Variants in BICDL2 observed in about 807,000 individuals in gnomAD.
BICDL2 encodes the protein BICD family like cargo adaptor 2, also known as BICD family-like cargo adapter 2.
Under a neutral mutation model 56.6 loss-of-function variants are expected in BICDL2, and 62 were observed. The ratio of observed to expected loss-of-function variants is 1.10; its 90% CI spans 0.89 to 1.35. The LOEUF (loss-of-function observed/expected upper bound fraction) is 1.35. BICDL2 is among the 40% of genes most tolerant of loss of function. BICDL2 has a pLI of 0.00. For synonymous variants in BICDL2, 358 were observed against 319.8 expected (o/e 1.12, Z -1.27); for missense variants, 808 against 684.5 (o/e 1.18, Z -2.01).
chr16:3,036,417 C>T (rs1370739899), intron 1 of BICDL2: 1 of 455,690 alleles, frequency 2.2e-6, no homozygotes, highest in Non-Finnish European at 4.4e-6. Flanking sequence ...CCCGACACAA[C>T]AGCTTTACCA....
At chr16:3,031,424 G>A (rs983004114) in intron 2 of BICDL2, 9 of 544,568 alleles carry the variant, frequency 1.7e-5, no homozygotes, top group East Asian at 2.9e-5. Flanking sequence ...AGCTGCTGCC[G>A]GGGCTTCTGG....
At chr16:3,035,062 C>T in intron 2 of BICDL2, 153 bp downstream of exon 2, 1 of 735,762 alleles carries the variant, frequency 1.4e-6, no homozygotes, top group South Asian at 1.9e-5. Context: ...GGACTGGGCC[C>T]AGCTCTGACC....
chr16:3,031,120 G>T lies in BICDL2; in HGVS notation c.313C>A (p.Arg105=). 2.0e-6 allele frequency: 3 copies of T among 1,535,562 alleles called. No homozygotes were observed. The highest frequency in any genetic ancestry group is 1.2e-5 in the South Asian group (1 of 83,946). ...RLQQENHELR[R]GLAARGAEWE... is the part of the protein sequence containing the mutation. Reference sequence around the variant, plus strand: ...TCGGCTCCTCGGGCTGCCAGGCCTCGCCGGAGCTCATGGTTCTCCTGCTGG... The same window carrying T: ...TCGGCTCCTCGGGCTGCCAGGCCTCTCCGGAGCTCATGGTTCTCCTGCTGG... The change falls in exon 3 of 10, where the codon CGA becomes AGA. Residue 105 remains arginine, a synonymous_variant. Coordinates refer to ENST00000572449, the MANE Select transcript of BICDL2 (RefSeq NM_001369667.1).
Position 3,030,492 on chromosome 16 carries a change from T to A in BICDL2, c.719A>T (p.Glu240Val). 1 of 1,604,322 alleles carries A rather than the reference T, an allele frequency of 6.2e-7. No individual in the cohort carries two copies. Among genetic ancestry groups the A allele is most frequent in the Non-Finnish European group, 8.5e-7 (1 of 1,179,534 alleles). Residue 240 changes from glutamate (E) to valine (V), a missense_variant, in exon 5 of 10, where the codon GAG becomes GTG. Transcript: ENST00000572449. ...CCGCTCCCGCCTCAGCAGCAGCAACTCCTCGTGGGTGGTCTGCAGTCTGCC... is the reference window on the plus strand; with the variant it reads ...CCGCTCCCGCCTCAGCAGCAGCAACACCTCGTGGGTGGTCTGCAGTCTGCC... The part of the protein sequence containing the change: ...GEGRLQTTHE[E>V]LLLLRRERRE...
Position 3,030,649 on chromosome 16 carries a change from C to T in BICDL2, c.615+47G>A, listed in dbSNP as rs199538270. 3.5e-4 allele frequency: 564 copies of T among 1,594,578 alleles called. 4 individuals carry two copies. In the East Asian group the frequency reaches 0.011, roughly 32 times the overall value. On this transcript the variant is annotated intron_variant, in intron 4 of 9. Coordinates refer to ENST00000572449, the MANE Select transcript of BICDL2 (RefSeq NM_001369667.1). The stretch of plus-strand genomic sequence containing the variant: ...GGGGCAGCCCCTCCCAGCCCTCAGC[C>T]CGGCTTTTTTGGCTCAGATAATCCC...
chr16:3,030,636 C>T, intron 4 of BICDL2, 41 bp from the exon 5 acceptor site: 7 of 1,594,030 alleles, frequency 4.4e-6, no homozygotes, highest in Non-Finnish European at 6.0e-6. Flanking sequence ...GGCAGCCCCT[C>T]CCAGCCCTCA....
At position 3,027,882 on chromosome 16, in the gene BICDL2, A is replaced by C. The variant is rs529980481; in HGVS notation, c.*224T>G. 1.5e-5 allele frequency: 12 copies of C among 818,854 alleles called. No individual in the cohort carries two copies. In the African/African-American group the frequency reaches 1.8e-4, roughly 12 times the overall value. The allele number at this position is 818,854 out of a possible 1,614,324, so 50.7% of individuals were successfully genotyped here. ...AAGATAGACGTATATTAATTCGGAA[A>C]ATAGCTCTGTTCACCTGCCCCTGCC... On this transcript the variant is annotated 3_prime_UTR_variant, in exon 10 of 10. Coordinates refer to ENST00000572449, the MANE Select transcript of BICDL2 (RefSeq NM_001369667.1).
rs1955740363 is a variant in BICDL2, at chr16:3,036,878, T to C, written c.-31+16A>G. ...GGCTCGAGGGGCCCGGCCCTCGGCG[T>C]CCCCCAGGCTCTCACCCGAAGCCGC... On this transcript the variant is annotated intron_variant, in intron 1 of 9. Coordinates refer to ENST00000572449, the MANE Select transcript of BICDL2 (RefSeq NM_001369667.1). 1 of 272,254 alleles carries C rather than the reference T, an allele frequency of 3.7e-6. No individual in the cohort carries two copies. 16.9% of individuals were successfully genotyped at this position (272,254 alleles called of 1,614,324 possible). A position where few individuals can be genotyped will look rare whatever the true frequency, so the allele number is the denominator to read the frequency against.
In BICDL2 at chr16:3,035,245, C is replaced by A; in HGVS notation, c.252G>T (p.Thr84=). 6.6e-7 allele frequency: 1 copy of A among 1,511,846 alleles called. No individual in the cohort carries two copies. Among genetic ancestry groups the A allele is most frequent in the Non-Finnish European group, 8.9e-7 (1 of 1,123,722 alleles). The allele number at this position is 1,511,846 out of a possible 1,614,324, so 93.7% of individuals were successfully genotyped here. A position where few individuals can be genotyped will look rare whatever the true frequency, so the allele number is the denominator to read the frequency against. The change falls in exon 2 of 10, where the codon ACG becomes ACT. Residue 84 remains threonine, a synonymous_variant. Transcript: ENST00000572449. The part of the protein sequence containing the change: ...RNEELRRQLE[T]LSAQHLEREE... ...CACGCTCCAAGTGCTGGGCGCTCAG[C>A]GTCTCCAGCTGCCGCCGCAGCTCTT... is the stretch of plus-strand genomic sequence containing the variant.
chr16:3,030,705 C>T lies in BICDL2; in HGVS notation c.606G>A (p.Leu202=). The part of the protein sequence containing the change: ...GAELRTRLES[L]QGENQMLQSR... Reference sequence around the variant, plus strand: ...CCCAGCTGACACTCACTTCCCCCTGCAGACTCTCCAGCCGCGTCCTCAGCT... The same window carrying T: ...CCCAGCTGACACTCACTTCCCCCTGTAGACTCTCCAGCCGCGTCCTCAGCT... Residue 202 remains leucine, a synonymous_variant, in exon 4 of 10, where the codon CTG becomes CTA. Coordinates refer to ENST00000572449, the MANE Select transcript of BICDL2 (RefSeq NM_001369667.1). 6.2e-7 allele frequency: 1 copy of T among 1,611,526 alleles called. No individual in the cohort carries two copies. Among genetic ancestry groups the T allele is most frequent in the Non-Finnish European group, 8.5e-7 (1 of 1,179,588 alleles).
chr16:3,027,947 T>C lies in BICDL2; in HGVS notation c.*159A>G. ...CCTGCCCCACAAAGCTGGCCCCTGC[T>C]CCGGATGAGCCCCTGCTCCCGATGA... is the stretch of plus-strand genomic sequence containing the variant. On this transcript the variant is annotated 3_prime_UTR_variant, in exon 10 of 10. Transcript: ENST00000572449. The C allele has an allele frequency of 8.7e-7, 1 of 1,149,586 alleles. No homozygotes were observed. The highest frequency in any genetic ancestry group is 1.8e-5 in the South Asian group (1 of 55,246). 71.2% of individuals were successfully genotyped at this position (1,149,586 alleles called of 1,614,324 possible). A position where few individuals can be genotyped will look rare whatever the true frequency, so the allele number is the denominator to read the frequency against.
rs1168718215 is a variant in BICDL2 at position 3,028,256 on chromosome 16, C to T, written c.1377G>A (p.Val459=). The T allele has an allele frequency of 2.0e-6, 3 of 1,479,624 alleles. No individual in the cohort carries two copies. The highest frequency in any genetic ancestry group is 1.5e-5 in the African/African-American group (1 of 67,966). The allele number at this position is 1,479,624 out of a possible 1,614,324, so 91.7% of individuals were successfully genotyped here. A position where few individuals can be genotyped will look rare whatever the true frequency, so the allele number is the denominator to read the frequency against. Reference sequence around the variant, plus strand: ...GCTGTGAGCGCAGCTGCTGCCCGATCACCACCTGCATGTCGTCCTGCGGGA... The same window carrying T: ...GCTGTGAGCGCAGCTGCTGCCCGATTACCACCTGCATGTCGTCCTGCGGGA... ...LEAWQDDMQV[V]IGQQLRSQRQ... is the part of the protein sequence containing the mutation. The change falls in exon 10 of 10, where the codon GTG becomes GTA. Residue 459 remains valine, a synonymous_variant. Coordinates refer to ENST00000572449, the MANE Select transcript of BICDL2 (RefSeq NM_001369667.1).
intron 5 of BICDL2, chr16:3,030,144 TTTTCA>T: frequency 2.1e-6 from 1 of 481,390 alleles, no homozygotes; most frequent in South Asian, 3.2e-5. Flanking sequence ...CCGCATCCTC[TTTTCA>T]TTTCTTTTTC....
chr16:3,031,813 T>A (rs1955660743), intron 2 of BICDL2: 2 of 338,370 alleles, frequency 5.9e-6, no homozygotes, highest in East Asian at 8.8e-5. Flanking sequence ...CTGCATTGCT[T>A]CATTTCATCC....
chr16:3,031,717 C>A, intron 2 of BICDL2: 1 of 395,860 alleles, frequency 2.5e-6, no homozygotes, highest in Non-Finnish European at 4.4e-6. Context: ...TCTCTCTAGG[C>A]CCTCAAAGCG....
At position 3,027,995 on chromosome 16, in the gene BICDL2, C is replaced by G; in HGVS notation, c.*111G>C. ...TGAGCCCTTGCCCAGCATCCTGGGG[C>G]GGGGAGGGCATCAGCTTCTTTTGGA... On this transcript the variant is annotated 3_prime_UTR_variant, in exon 10 of 10. Transcript: ENST00000572449. The G allele has an allele frequency of 7.5e-7, 1 of 1,330,440 alleles. No individual in the cohort carries two copies. The highest frequency in any genetic ancestry group is 9.7e-7 in the Non-Finnish European group (1 of 1,027,934). 82.4% of individuals were successfully genotyped at this position (1,330,440 alleles called of 1,614,324 possible). A position where few individuals can be genotyped will look rare whatever the true frequency, so the allele number is the denominator to read the frequency against.
intron 2 of BICDL2, 133 bp downstream of exon 2, chr16:3,035,082 G>A: frequency 1.1e-6 from 1 of 907,792 alleles, no homozygotes; most frequent in Non-Finnish European, 1.6e-6. Context: ...CTGTTCCAAA[G>A]TGCCCCCCTC....
Position 3,028,699 on chromosome 16 carries a change from C to G in BICDL2, c.1238+1G>C. 6.4e-7 allele frequency: 1 copy of G among 1,569,926 alleles called. No individual in the cohort carries two copies. Among genetic ancestry groups the G allele is most frequent in the South Asian group, 1.2e-5 (1 of 85,364 alleles). ...GCGGTGGTCAATGGCTTGAGGCTTA[C>G]TTGTTCACGGCCTCGTCCCGGTCTG... On this transcript the variant is annotated splice_donor_variant, in intron 8 of 9. Coordinates refer to ENST00000572449, the MANE Select transcript of BICDL2 (RefSeq NM_001369667.1). LOFTEE classifies it high-confidence loss of function.
chr16:3,034,915 G>A (rs1156345535), intron 2 of BICDL2: 15 of 372,294 alleles, frequency 4.0e-5, no homozygotes, highest in East Asian at 3.0e-4. Flanking sequence ...GTCTCACTAC[G>A]TTGCCCAGGC....
Sources: allele counts gnomAD v4.1 joint callset, GRCh38; gene constraint gnomAD v4.1.1; transcripts MANE v1.5; gene names NCBI Gene and HGNC (gene_info 2026-07-23, HGNC 2026-07-21).